TBC1D15: variants seen among roughly 807,000 people sequenced by gnomAD.
TBC1D15 encodes the protein GAP for RAB7.
A neutral mutation model predicts 95.4 loss-of-function variants in TBC1D15; 39 were observed. The ratio of observed to expected loss-of-function variants is 0.41; its 90% CI spans 0.32 to 0.53. The LOEUF (loss-of-function observed/expected upper bound fraction) is 0.53. Among genes scored for constraint, TBC1D15 ranks in the 20% least tolerant of loss-of-function variants. The pLI, the probability that TBC1D15 is intolerant of heterozygous loss-of-function variation, is 0.29. For missense variants in TBC1D15, 733 were observed against 794.3 expected (o/e 0.92, Z 0.93); for synonymous variants, 258 against 261.3 (o/e 0.99, Z 0.12).
intron 1 of TBC1D15, among the ~76,000 whole-genome samples, chr12:71,865,387 G>GAGC (rs1238220531): frequency 2.0e-5 from 3 of 152,148 alleles, no homozygotes; most frequent in Non-Finnish European, 4.4e-5. Context: ...TGGGCCTGGG[G>GAGC]AGCAGGGTGT....
At chr12:71,883,416 T>C (rs1460252242) in intron 4 of TBC1D15, among the ~76,000 whole-genome samples, 1 of 152,240 alleles carries the variant, frequency 6.6e-6, no homozygotes, top group East Asian at 1.9e-4. Context: ...GTGTGAAAGC[T>C]GCTGGTCATT....
intron 10 of TBC1D15, among the ~76,000 whole-genome samples, chr12:71,906,788 TA>T (rs1279347460): frequency 1.3e-5 from 2 of 152,204 alleles, no homozygotes; most frequent in Admixed American, 6.5e-5. Context: ...GTTTAGATAA[TA>T]ATTGAAAAAT....
At chr12:71,912,788 A>C (rs1902720810) in intron 11 of TBC1D15, among the ~76,000 whole-genome samples, 1 of 152,108 alleles carries the variant, frequency 6.6e-6, no homozygotes, top group Non-Finnish European at 1.5e-5. Context: ...GCTACCAATA[A>C]AGAAATTTCT....
intron 1 of TBC1D15, among the ~76,000 whole-genome samples, chr12:71,861,220 A>G (rs1890296268): frequency 6.6e-6 from 1 of 152,194 alleles, no homozygotes; most frequent in Admixed American, 6.5e-5. Context: ...CTGCCCTTAT[A>G]CAATGAGTTT....
At chr12:71,861,834 C>A (rs1890443199) in intron 1 of TBC1D15, among the ~76,000 whole-genome samples, 1 of 149,102 alleles carries the variant, frequency 6.7e-6, no homozygotes, top group South Asian at 2.1e-4. Context: ...CTATAAACTT[C>A]CTTCTTAATA....
At chr12:71,865,924 T>G (rs1390305282) in intron 1 of TBC1D15, among the ~76,000 whole-genome samples, 8 of 151,988 alleles carry the variant, frequency 5.3e-5, no homozygotes, top group Non-Finnish European at 8.8e-5. Context: ...TCAGCTTGGG[T>G]ACTGGGGTGT....
chr12:71,847,405 A>C lies in TBC1D15; in HGVS notation c.30+7594A>C, dbSNP rs140248989. On this transcript the variant is annotated intron_variant, in intron 1 of 16. Transcript: ENST00000485960. ...TTAGTTTTTTTTTTATTTCCAAATA[A>C]TATCCATTGGGCCAGGCACGGTGGC... Among the ~76,000 whole-genome samples, 1,244 of 152,196 alleles carry C rather than the reference A, an allele frequency of 8.2e-3. 19 individuals are homozygous for C. Among genetic ancestry groups the C allele is most frequent in the African/African-American group, 0.028 (1,174 of 41,516 alleles).
chr12:71,915,808 T>G (rs1903578833), intron 12 of TBC1D15, among the ~76,000 whole-genome samples: 1 of 152,158 alleles, frequency 6.6e-6, no homozygotes, highest in Admixed American at 6.6e-5. Flanking sequence ...GCTAACATCT[T>G]TTCTTTCATA....
chr12:71,879,287 C>T (rs1894650942), intron 3 of TBC1D15, among the ~76,000 whole-genome samples: 1 of 152,104 alleles, frequency 6.6e-6, no homozygotes, highest in African/African-American at 2.4e-5. Flanking sequence ...AATGTACCAC[C>T]ATGTCTGGCT....
At chr12:71,910,346 C>T (rs1313484257) in intron 11 of TBC1D15, among the ~76,000 whole-genome samples, 2 of 148,914 alleles carry the variant, frequency 1.3e-5, no homozygotes, top group Non-Finnish European at 3.0e-5. Flanking sequence ...GCAATGCAGG[C>T]TCTTTTTTGG....
At position 71,903,229 on chromosome 12, in the gene TBC1D15, A is replaced by G. The variant is rs541450179; in HGVS notation, c.1184-3793A>G. Among the ~76,000 whole-genome samples, 5 of 152,296 alleles carry G rather than the reference A, an allele frequency of 3.3e-5. No individual in the cohort carries two copies. In the South Asian group the frequency reaches 8.3e-4, roughly 25 times the overall value. On this transcript the variant is annotated intron_variant, in intron 10 of 16. Transcript: ENST00000485960. ...ATGCCTGGCTGCAGACACGTCTTAA[A>G]AGAAGACATAAACACTGCCAACCAA...
rs748701195 is a variant in TBC1D15 at position 71,884,956 on chromosome 12, A to G, written c.489A>G (p.Leu163=). ...AGGATGACGTCGTTCTCCCTGCTCT[A>G]CACTTTCATCAAGGAGATAGCAAAC... ...CLKDDVVLPA[L]HFHQGDSKLL... is the part of the protein sequence containing the mutation. The change falls in exon 5 of 17, where the codon CTA becomes CTG. Residue 163 remains leucine (L), a synonymous_variant. Coordinates refer to ENST00000485960, the MANE Select transcript of TBC1D15 (RefSeq NM_001146213.3). 1 of 1,614,060 alleles carries G rather than the reference A, an allele frequency of 6.2e-7. No homozygotes were observed. The highest frequency in any genetic ancestry group is 1.1e-5 in the South Asian group (1 of 91,080).
chr12:71,845,469 A>T (rs1285683254), intron 1 of TBC1D15, among the ~76,000 whole-genome samples: 1 of 152,198 alleles, frequency 6.6e-6, no homozygotes, highest in Non-Finnish European at 1.5e-5. Context: ...AAGTGGGTGG[A>T]TGAGATATCT....
intron 6 of TBC1D15, 62 bp from the exon 7 acceptor site, chr12:71,894,624 T>C: frequency 7.0e-7 from 1 of 1,427,348 alleles, no homozygotes; most frequent in South Asian, 1.3e-5. Context: ...TTGCTCATGA[T>C]GGAGTATTCG....
intron 1 of TBC1D15, among the ~76,000 whole-genome samples, chr12:71,846,279 C>T (rs2137828477): frequency 6.6e-6 from 1 of 152,228 alleles, no homozygotes; most frequent in African/African-American, 2.4e-5. Context: ...TCTGCTTGGG[C>T]ATCTTAGCAA....
intron 5 of TBC1D15, among the ~76,000 whole-genome samples, chr12:71,885,603 TC>T (rs1336519318): frequency 6.6e-6 from 1 of 152,172 alleles, no homozygotes; most frequent in Non-Finnish European, 1.5e-5. Context: ...ACAGGGGTGT[TC>T]CTAGGAATTA....
intron 12 of TBC1D15, among the ~76,000 whole-genome samples, chr12:71,917,203 T>C (rs73336878): frequency 0.18 from 26,689 of 152,164 alleles, 3,637 homozygotes; most frequent in African/African-American, 0.38. Flanking sequence ...AATTTAAGTA[T>C]GAAATCCAGA....
intron 11 of TBC1D15, among the ~76,000 whole-genome samples, chr12:71,912,201 C>CT (rs1902542896): frequency 6.6e-6 from 1 of 152,056 alleles, no homozygotes; most frequent in Non-Finnish European, 1.5e-5. Flanking sequence ...CTATCTTATT[C>CT]TTTTTTTAAA....
intron 1 of TBC1D15, among the ~76,000 whole-genome samples, chr12:71,843,034 C>A (rs1196482748): frequency 6.6e-6 from 1 of 151,894 alleles, no homozygotes; most frequent in Non-Finnish European, 1.5e-5. Context: ...TGCTTGTAAT[C>A]ATCACTTTGG....
Sources: gnomAD v4.1 joint callset for allele counts (sites outside exome capture counted in the v4.1 genomes callset) on GRCh38, gnomAD v4.1.1 for gene constraint, MANE v1.5 for transcripts, NCBI Gene and HGNC (gene_info 2026-07-23, HGNC 2026-07-21) for gene names.